CAST: variants seen among roughly 807,000 people sequenced by gnomAD.
The protein encoded by CAST is calpastatin.
CAST carries 76 observed loss-of-function variants against 119.6 expected under a neutral mutation model. The ratio of observed to expected loss-of-function variants is 0.64; its 90% confidence interval spans 0.53 to 0.77. The LOEUF is 0.77. Among genes scored for constraint, CAST ranks in the 30% least tolerant of loss-of-function variants. CAST has a pLI of 0.00. For synonymous variants in CAST, 319 were observed against 331.6 expected (o/e 0.96, Z 0.41); for missense variants, 953 against 946.5 (o/e 1.01, Z -0.09).
At chr5:96,435,388 CAGTA>C in the CAST span, among the ~76,000 whole-genome samples, 2 of 152,234 alleles carry the variant, frequency 1.3e-5, no homozygotes, top group Non-Finnish European at 2.9e-5. Context: ...ATACAGATAT[CAGTA>C]AGTTAATCTG....
At chr5:96,654,567 G>T (rs1345558119) in intron 1 of CAST, among the ~76,000 whole-genome samples, 3 of 152,152 alleles carry the variant, frequency 2.0e-5, no homozygotes, top group Non-Finnish European at 4.4e-5. Context: ...TCAGTGGTTT[G>T]AAGGAAGTAA....
intron 1 of CAST, among the ~76,000 whole-genome samples, chr5:96,618,443 C>T (rs925538250): frequency 6.6e-6 from 1 of 152,256 alleles, no homozygotes; most frequent in Non-Finnish European, 1.5e-5. Context: ...TGCCACTGCA[C>T]TGTGGGAGCC....
At chr5:95,963,444 CTT>C in the CAST span, among the ~76,000 whole-genome samples, 1 of 152,198 alleles carries the variant, frequency 6.6e-6, no homozygotes, top group Non-Finnish European at 1.5e-5. Context: ...TGTAAATTGA[CTT>C]AATTTCAATC....
the CAST span, among the ~76,000 whole-genome samples, chr5:95,965,869 A>G: frequency 2.0e-5 from 3 of 152,220 alleles, no homozygotes; most frequent in African/African-American, 4.8e-5. Flanking sequence ...TTTAAGTTGA[A>G]TAATTTTTAT....
At chr5:96,252,046 G>T in the CAST span, among the ~76,000 whole-genome samples, 4 of 152,150 alleles carry the variant, frequency 2.6e-5, no homozygotes, top group Non-Finnish European at 5.9e-5. Context: ...GGAATAGGTA[G>T]ATGAGTGCAA....
chr5:96,536,513 C>A (rs1340818205), intron 1 of CAST, among the ~76,000 whole-genome samples: 1 of 151,962 alleles, frequency 6.6e-6, no homozygotes, highest in African/African-American at 2.4e-5. Flanking sequence ...GATGGTGATG[C>A]AAGTTGGTCT....
the CAST span, among the ~76,000 whole-genome samples, chr5:96,473,943 A>C: frequency 6.6e-6 from 1 of 152,194 alleles, no homozygotes; most frequent in Non-Finnish European, 1.5e-5. Flanking sequence ...TTTTTCAGAC[A>C]AAGGGCAGAG....
At chr5:96,412,177 T>A in the CAST span, 1 of 814,880 alleles carries the variant, frequency 1.2e-6, no homozygotes, top group South Asian at 1.5e-5. Flanking sequence ...GATTTGGCCC[T>A]CTAAGTGCAT....
chr5:96,766,440 T>C (rs1005420225), intron 27 of CAST, among the ~76,000 whole-genome samples: 1 of 152,134 alleles, frequency 6.6e-6, no homozygotes, highest in Non-Finnish European at 1.5e-5. Context: ...GAAAAGGCTA[T>C]AAAAATGACT....
the CAST span, among the ~76,000 whole-genome samples, chr5:96,401,126 C>T: frequency 1.4e-5 from 2 of 145,958 alleles, no homozygotes; most frequent in South Asian, 4.4e-4. Flanking sequence ...GTTTACAATC[C>T]AGTAAAAAGA....
At chr5:96,490,750 C>G in the CAST span, among the ~76,000 whole-genome samples, 24 of 151,816 alleles carry the variant, frequency 1.6e-4, no homozygotes, top group Non-Finnish European at 2.8e-4. Context: ...AAATCAACTC[C>G]AGATAAATTG....
chr5:96,483,735 A>G, the CAST span, among the ~76,000 whole-genome samples: 1 of 152,166 alleles, frequency 6.6e-6, no homozygotes, highest in Non-Finnish European at 1.5e-5. Flanking sequence ...ATCTTGACTC[A>G]TTCTAAAAGA....
chr5:96,290,305 G>A, the CAST span, among the ~76,000 whole-genome samples: 5 of 152,128 alleles, frequency 3.3e-5, no homozygotes, highest in South Asian at 8.3e-4. Flanking sequence ...TTACTGTTGG[G>A]AATTCTTGGA....
chr5:96,517,918 A>G, the CAST span, among the ~76,000 whole-genome samples: 1 of 152,268 alleles, frequency 6.6e-6, no homozygotes, highest in African/African-American at 2.4e-5. Context: ...TGTGAATATT[A>G]TGTCATAGAA....
At chr5:96,161,635 C>T in the CAST span, among the ~76,000 whole-genome samples, 1 of 152,132 alleles carries the variant, frequency 6.6e-6, no homozygotes, top group African/African-American at 2.4e-5. Context: ...TTAGGATCAC[C>T]TTGCCAATTT....
intron 1 of CAST, among the ~76,000 whole-genome samples, chr5:96,534,714 G>GGGGA (rs1745752161): frequency 7.2e-5 from 1 of 13,966 alleles, no homozygotes; most frequent in African/African-American, 1.8e-4. Context: ...AAGGAAGGAA[G>GGGGA]GAGAGAGAGA....
chr5:95,971,960 C>CTTTTT, the CAST span, among the ~76,000 whole-genome samples: 2 of 136,992 alleles, frequency 1.5e-5, no homozygotes, highest in Non-Finnish European at 3.2e-5. Flanking sequence ...TCTTTTATTT[C>CTTTTT]TTTTTTTTTT....
At chr5:96,106,728 G>A in the CAST span, among the ~76,000 whole-genome samples, 1 of 152,028 alleles carries the variant, frequency 6.6e-6, no homozygotes, top group South Asian at 2.1e-4. Flanking sequence ...TTCTGTAGAT[G>A]TCTATTAGGT....
chr5:96,398,123 A>G, the CAST span, among the ~76,000 whole-genome samples: 1 of 152,330 alleles, frequency 6.6e-6, no homozygotes, highest in Admixed American at 6.5e-5. Flanking sequence ...CATTCCACCA[A>G]TATTTCAGGT....
Sources: gnomAD v4.1 joint callset for allele counts (sites outside exome capture counted in the v4.1 genomes callset) on GRCh38, gnomAD v4.1.1 for gene constraint, MANE v1.5 for transcripts, NCBI Gene and HGNC (gene_info 2026-07-23, HGNC 2026-07-21) for gene names.